Variants in SLC43A2 observed in about 807,000 individuals in gnomAD.
SLC43A2 encodes the protein solute carrier family 43 member 2, also known as large neutral amino acids transporter small subunit 4.
SLC43A2 carries 38 observed loss-of-function variants against 63.2 expected under a neutral mutation model. That is an observed-to-expected ratio of 0.60 (90% CI 0.46 to 0.79). The LOEUF is 0.79. Among genes scored for constraint, SLC43A2 ranks in the 30% least tolerant of loss-of-function variants. The pLI is 0.00. For missense variants in SLC43A2, 644 were observed against 756.2 expected, an observed-to-expected ratio of 0.85 and a Z score of 1.74; for synonymous variants, 322 against 331.0, an observed-to-expected ratio of 0.97 and a Z score of 0.30.
At chr17:1,628,079 A>G in intron 1 of SLC43A2, 159 bp from the exon 2 acceptor site, 1 of 673,140 alleles carries the variant, frequency 1.5e-6, no homozygotes, top group Non-Finnish European at 2.0e-6. Flanking sequence ...CCCTGCCCGG[A>G]CCTGGGACAC....
intron 5 of SLC43A2, among the ~76,000 whole-genome samples, chr17:1,594,626 C>T (rs1377367752): frequency 5.3e-5 from 7 of 132,250 alleles, no homozygotes; most frequent in Non-Finnish European, 9.6e-5. Flanking sequence ...CTCGCTCTTT[C>T]GCCCAGGCTG....
At chr17:1,580,438 C>G (rs80356212) in intron 11 of SLC43A2, among the ~76,000 whole-genome samples, 1 of 152,238 alleles carries the variant, frequency 6.6e-6, no homozygotes, top group Non-Finnish European at 1.5e-5. Flanking sequence ...TTGCCCACCT[C>G]GGACTGTGCT....
intron 9 of SLC43A2, among the ~76,000 whole-genome samples, chr17:1,588,894 C>T (rs956729201): frequency 6.6e-6 from 1 of 152,146 alleles, no homozygotes; most frequent in Non-Finnish European, 1.5e-5. Flanking sequence ...CGGGTGGTCG[C>T]GGGGCCGTAC....
chr17:1,590,698 A>ATGGCCCGGC (rs1463445596), intron 9 of SLC43A2, 104 bp downstream of exon 9: 3 of 1,441,628 alleles, frequency 2.1e-6, no homozygotes, highest in African/African-American at 2.8e-5. Context: ...CGGCCTTTCC[A>ATGGCCCGGC]TGGCCCGGCT....
chr17:1,591,597 G>A lies in SLC43A2; in HGVS notation c.697C>T (p.Pro233Ser). ...TCCATGTCCTCCGGCCCCGGGAAGGGCTCAAGGGGCCAGTTAAAGAAGCAG... is the reference window on the plus strand; with the variant it reads ...TCCATGTCCTCCGGCCCCGGGAAGGACTCAAGGGGCCAGTTAAAGAAGCAG... ...LNCFFNWPLEPFPGPEDMDYS... is the reference protein window; with the variant it reads ...LNCFFNWPLESFPGPEDMDYS... Residue 233 changes from proline to serine, a missense_variant, in exon 7 of 14, where the codon CCC becomes TCC. Coordinates refer to ENST00000301335, the MANE Select transcript of SLC43A2 (RefSeq NM_152346.3). The A allele has an allele frequency of 6.5e-7, 1 of 1,549,692 alleles. No homozygotes were observed. The highest frequency in any genetic ancestry group is 8.7e-7 in the Non-Finnish European group (1 of 1,146,942).
Position 1,569,869 on chromosome 17 carries a change from T to G in SLC43A2, c.*5735A>C, listed in dbSNP as rs1418888346. 2.0e-5 allele frequency: 3 copies of G among 148,758 alleles called. No individual in the cohort carries two copies. The highest frequency in any genetic ancestry group is 4.4e-5 in the Non-Finnish European group (3 of 67,430). 9.2% of individuals were successfully genotyped at this position (148,758 alleles called of 1,614,324 possible). On this transcript the variant is annotated 3_prime_UTR_variant, in exon 14 of 14. Coordinates refer to ENST00000301335, the MANE Select transcript of SLC43A2 (RefSeq NM_152346.3). The stretch of plus-strand genomic sequence containing the variant: ...TTCGGAGAAGGGTGGGGTCAGCAGA[T>G]ACAGACCTTACTTTTTTTTTTTTTT...
At chr17:1,590,734 G>T (rs973812064) in intron 9 of SLC43A2, 68 bp downstream of exon 9, 105 of 1,537,434 alleles carry the variant, frequency 6.8e-5, no homozygotes, top group Non-Finnish European at 8.1e-5. Flanking sequence ...AACACATTCT[G>T]GCCGGTGGCC....
At chr17:1,615,818 G>A (rs979638184) in intron 3 of SLC43A2, among the ~76,000 whole-genome samples, 1 of 147,428 alleles carries the variant, frequency 6.8e-6, no homozygotes, top group East Asian at 2.0e-4. Flanking sequence ...ACTCTAGCCT[G>A]GGCGACAGAG....
In SLC43A2 at chr17:1,627,909, G is replaced by T. The variant is rs1481017006; in HGVS notation, c.-35C>A. ...CGGCGCGGCTCCGGCTCCGGCTCCG[G>T]CTCTGCACCACCTGCGCACAGAACT... is the stretch of plus-strand genomic sequence containing the variant. On this transcript the variant is annotated 5_prime_UTR_variant, in exon 2 of 14. Transcript: ENST00000301335. The T allele has an allele frequency of 9.2e-6, 14 of 1,519,962 alleles. No homozygotes were observed. Among genetic ancestry groups the T allele is most frequent in the Non-Finnish European group, 1.2e-5 (14 of 1,135,020 alleles). 94.2% of individuals were successfully genotyped at this position (1,519,962 alleles called of 1,614,324 possible).
chr17:1,593,102 C>T lies in SLC43A2; in HGVS notation c.594+85G>A, dbSNP rs993037094. 5.8e-6 allele frequency: 8 copies of T among 1,387,456 alleles called. No individual in the cohort carries two copies. In the African/African-American group the frequency reaches 1.1e-4, roughly 20 times the overall value. 85.9% of individuals were successfully genotyped at this position (1,387,456 alleles called of 1,614,324 possible). A position where few individuals can be genotyped will look rare whatever the true frequency, so the allele number is the denominator to read the frequency against. Reference sequence around the variant, plus strand: ...GTGGAGAGGGGCCACCCCGGGTGCCCACAATTGCCTCCCTCTTCAGAGAGG... The same window carrying T: ...GTGGAGAGGGGCCACCCCGGGTGCCTACAATTGCCTCCCTCTTCAGAGAGG... On this transcript the variant is annotated intron_variant, in intron 6 of 13. Coordinates refer to ENST00000301335, the MANE Select transcript of SLC43A2 (RefSeq NM_152346.3). The surrounding 1 kb of genome is among the most constrained non-coding windows in gnomAD (Gnocchi z 5.3).
chr17:1,608,832 C>T (rs1336794531), intron 5 of SLC43A2, among the ~76,000 whole-genome samples: 1 of 152,156 alleles, frequency 6.6e-6, no homozygotes, highest in African/African-American at 2.4e-5. Flanking sequence ...GCACGGCTCT[C>T]CTGAAGCTTA....
rs1464986255 is a variant in SLC43A2, at chr17:1,605,177, C to T, written c.501+8018G>A. On this transcript the variant is annotated intron_variant, in intron 5 of 13. Transcript: ENST00000301335. The surrounding 1 kb of genome is among the most constrained non-coding windows in gnomAD (Gnocchi z 4.9). ...TGCGGGTCAACCTGTCCTGCCAGCCCGGGCTGTTCACTCACTGCCTCCACG... is the reference window on the plus strand; with the variant it reads ...TGCGGGTCAACCTGTCCTGCCAGCCTGGGCTGTTCACTCACTGCCTCCACG... 3 of 1,185,650 alleles carry T rather than the reference C, an allele frequency of 2.5e-6. No homozygotes were observed. Among genetic ancestry groups the T allele is most frequent in the African/African-American group, 1.6e-5 (1 of 62,906 alleles). 73.4% of individuals were successfully genotyped at this position (1,185,650 alleles called of 1,614,324 possible). A position where few individuals can be genotyped will look rare whatever the true frequency, so the allele number is the denominator to read the frequency against.
rs569116553 is a variant in SLC43A2, at chr17:1,578,653, G to C, written c.1351-330C>G. 8 of 269,526 alleles carry C rather than the reference G, an allele frequency of 3.0e-5. No individual in the cohort carries two copies. The highest frequency in any genetic ancestry group is 9.9e-5 in the Admixed American group (2 of 20,106). The allele number at this position is 269,526 out of a possible 1,614,324, so 16.7% of individuals were successfully genotyped here. ...AGCAATTCTCCTGCCTCAGCCTTCG[G>C]AGTAGCTAGGATTACAGGCCCACGC... is the stretch of plus-strand genomic sequence containing the variant. On this transcript the variant is annotated intron_variant, in intron 11 of 13. Coordinates refer to ENST00000301335, the MANE Select transcript of SLC43A2 (RefSeq NM_152346.3). The surrounding 1 kb of genome is among the most constrained non-coding windows in gnomAD (Gnocchi z 6.5).
Position 1,583,008 on chromosome 17 carries a change from G to T in SLC43A2, c.1350+196C>A, listed in dbSNP as rs2076043583. Among the ~76,000 whole-genome samples the T allele has an allele frequency of 6.6e-6, 1 of 151,542 alleles. No individual in the cohort carries two copies. Among genetic ancestry groups the T allele is most frequent in the Admixed American group, 6.6e-5 (1 of 15,218 alleles). ...GCAGGAGAATCGCTTGAACCCAGGA[G>T]GCTGAGGTTGCAGTGAGCCGAGATC... On this transcript the variant is annotated intron_variant, in intron 11 of 13. Transcript: ENST00000301335. This position sits in a 1 kb window ranked among gnomAD's most constrained non-coding sequence, Gnocchi z 5.5.
chr17:1,582,449 G>A (rs965863385), intron 11 of SLC43A2, among the ~76,000 whole-genome samples: 12 of 152,174 alleles, frequency 7.9e-5, no homozygotes, highest in East Asian at 1.9e-4. Flanking sequence ...TAGAAACCCC[G>A]TGAGACTCTG....
rs2075971440 is a variant in SLC43A2, at chr17:1,578,867, A to G, written c.1351-544T>C. ...TTAAAAATTAAATTATAGGCTGGGC[A>G]AGGTGGCTCACGCCCGTAATCCCAG... On this transcript the variant is annotated intron_variant, in intron 11 of 13. Transcript: ENST00000301335. This position sits in a 1 kb window ranked among gnomAD's most constrained non-coding sequence, Gnocchi z 6.5. Among the ~76,000 whole-genome samples the G allele has an allele frequency of 6.7e-6, 1 of 148,420 alleles. No individual in the cohort carries two copies.
In SLC43A2 at chr17:1,618,470, T is replaced by C. The variant is rs1341101849; in HGVS notation, c.161-1701A>G. ...GTGGTTATCATGATCATTGCTGCTA[T>C]TGGAGGCTCCGGCGGGGAATCACGG... On this transcript the variant is annotated intron_variant, in intron 2 of 13. Transcript: ENST00000301335. Among the ~76,000 whole-genome samples, 5 of 152,322 alleles carry C rather than the reference T, an allele frequency of 3.3e-5. No homozygotes were observed. In the South Asian group the frequency reaches 1.0e-3, roughly 32 times the overall value.
intron 5 of SLC43A2, among the ~76,000 whole-genome samples, chr17:1,599,852 C>T (rs375690715): frequency 2.0e-5 from 3 of 149,468 alleles, no homozygotes; most frequent in African/African-American, 7.4e-5. Flanking sequence ...AGACCATCCT[C>T]GCTAACACAG....
rs1292715678 is a variant in SLC43A2 at position 1,602,806 on chromosome 17, T to C, written c.502-9527A>G. ...GGAGTTTCGCTCTTATTGCCCAGGC[T>C]GGAGTGCAATGGTGCAATCTCGGCT... On this transcript the variant is annotated intron_variant, in intron 5 of 13. Transcript: ENST00000301335. 3.4e-5 allele frequency among the ~76,000 whole-genome samples: 5 copies of C among 148,842 alleles called. 1 individual carries two copies. Among genetic ancestry groups the C allele is most frequent in the African/African-American group, 1.2e-4 (5 of 40,240 alleles).
Sources: allele counts gnomAD v4.1 joint callset (sites outside exome capture counted in the v4.1 genomes callset), GRCh38; gene constraint gnomAD v4.1.1; non-coding constraint Gnocchi (gnomAD v3.1); transcripts MANE v1.5; gene names NCBI Gene and HGNC (gene_info 2026-07-23, HGNC 2026-07-21).